The following PIK3CB variants were observed in gnomAD, a reference collection of about 807,000 sequenced individuals.
PIK3CB encodes phosphatidylinositol-4,5-bisphosphate 3-kinase catalytic subunit beta.
PIK3CB carries 39 observed loss-of-function variants against 136.8 expected under a neutral mutation model. The observed-to-expected ratio is 0.29, with a 90% CI of 0.22 to 0.37. The LOEUF is 0.37. Ranked by LOEUF, PIK3CB falls within the 10% of genes least tolerant of loss-of-function variation. PIK3CB has a pLI of 1.00. For synonymous variants in PIK3CB, 428 were observed against 436.6 expected (o/e 0.98, Z 0.25); for missense variants, 868 against 1,275.4 (o/e 0.68, Z 4.87).
intron 1 of PIK3CB, among the ~76,000 whole-genome samples, chr3:138,812,432 TCAC>T (rs1933115440): frequency 1.3e-5 from 2 of 151,798 alleles, no homozygotes; most frequent in African/African-American, 4.8e-5. Flanking sequence ...AGATGGGGTT[TCAC>T]CACATTGGTC....
chr3:138,668,536 T>C (rs530740503), intron 19 of PIK3CB, among the ~76,000 whole-genome samples: 1 of 152,330 alleles, frequency 6.6e-6, no homozygotes, highest in African/African-American at 2.4e-5. Flanking sequence ...TTTACCCTCC[T>C]TTCTCAGACT....
chr3:138,657,345 C>A (rs2043209758), intron 22 of PIK3CB: 1 of 173,708 alleles, frequency 5.8e-6, no homozygotes, highest in Non-Finnish European at 1.2e-5. Flanking sequence ...GCCCTGAATT[C>A]TAGTTCCCTT....
At chr3:138,679,306 A>G (rs1031872940) in intron 19 of PIK3CB, among the ~76,000 whole-genome samples, 10 of 152,244 alleles carry the variant, frequency 6.6e-5, no homozygotes, top group Admixed American at 6.5e-4. Context: ...ATGCCTTTGG[A>G]AATTAAATTT....
chr3:138,708,294 T>TCTGTCAC (rs2044422656), intron 10 of PIK3CB, among the ~76,000 whole-genome samples: 1 of 146,532 alleles, frequency 6.8e-6, no homozygotes, highest in East Asian at 2.1e-4. Context: ...AGACAGGGTT[T>TCTGTCAC]CTGTCACCCA....
intron 12 of PIK3CB, among the ~76,000 whole-genome samples, chr3:138,700,165 T>A (rs2044220162): frequency 6.6e-6 from 1 of 152,178 alleles, no homozygotes; most frequent in Non-Finnish European, 1.5e-5. Context: ...GAGGCTGCAG[T>A]GAGCCATGAT....
chr3:138,759,436 TC>T, intron 2 of PIK3CB, 77 bp from the exon 3 acceptor site: 1 of 908,698 alleles, frequency 1.1e-6, no homozygotes, highest in South Asian at 2.0e-5. Context: ...AGACCACTAA[TC>T]TACAATTAGT....
intron 8 of PIK3CB, among the ~76,000 whole-genome samples, chr3:138,728,401 A>G (rs905408283): frequency 6.6e-6 from 1 of 152,202 alleles, no homozygotes; most frequent in Admixed American, 6.5e-5. Context: ...TTAATAAGTC[A>G]AATTTAATAA....
intron 9 of PIK3CB, among the ~76,000 whole-genome samples, chr3:138,714,262 C>CA (rs1007567604): frequency 4.0e-5 from 6 of 151,018 alleles, no homozygotes; most frequent in Admixed American, 1.3e-4. Context: ...AGCAAGATTA[C>CA]AAAAAAAATG....
At chr3:138,797,599 T>TTCTGA in intron 1 of PIK3CB, among the ~76,000 whole-genome samples, 1 of 152,212 alleles carries the variant, frequency 6.6e-6, no homozygotes, top group Non-Finnish European at 1.5e-5. Flanking sequence ...AATTTCGAAG[T>TTCTGA]ACATAAAGCT....
chr3:138,789,649 A>C (rs532893517), intron 2 of PIK3CB, among the ~76,000 whole-genome samples: 1 of 151,988 alleles, frequency 6.6e-6, no homozygotes, highest in South Asian at 2.1e-4. Flanking sequence ...ATACATAGAC[A>C]AAAAAAATGT....
intron 19 of PIK3CB, among the ~76,000 whole-genome samples, chr3:138,680,079 AC>A (rs1229817980): frequency 2.0e-5 from 3 of 151,794 alleles, no homozygotes; most frequent in Admixed American, 6.6e-5. Context: ...AGAAGAAAAG[AC>A]AGGGGGCGGC....
intron 4 of PIK3CB, among the ~76,000 whole-genome samples, chr3:138,754,993 T>C (rs1158881598): frequency 2.0e-5 from 3 of 152,216 alleles, no homozygotes; most frequent in African/African-American, 4.8e-5. Context: ...TAATGTTATA[T>C]AGCAAGAGAG....
intron 3 of PIK3CB, among the ~76,000 whole-genome samples, chr3:138,757,478 AACACACACACACACACAC>A (rs146470519): frequency 3.7e-5 from 5 of 136,434 alleles, no homozygotes; most frequent in East Asian, 4.3e-4. Flanking sequence ...GATACTATTA[AACACACACACACACACAC>A]ACACACACAC....
chr3:138,655,970 C>T (rs1287015801), intron 23 of PIK3CB, among the ~76,000 whole-genome samples, 172 bp downstream of exon 23: 1 of 152,158 alleles, frequency 6.6e-6, no homozygotes, highest in African/African-American at 2.4e-5. Context: ...TTACAAGCTA[C>T]TCTACAAAAT....
rs970070273 is a variant in PIK3CB, at chr3:138,655,316, T to C, written c.*73A>G. The C allele has an allele frequency of 4.2e-6, 6 of 1,423,558 alleles. No individual in the cohort carries two copies. In the Middle Eastern group the frequency reaches 5.3e-4, roughly 126 times the overall value. 88.2% of individuals were successfully genotyped at this position (1,423,558 alleles called of 1,614,324 possible). On this transcript the variant is annotated 3_prime_UTR_variant, in exon 24 of 24. Transcript: ENST00000674063. Reference sequence around the variant, plus strand: ...CTTTATAACATCTCTAACAGGGTCATGTTCAATTTAGTGCAAGTGCAAAAT... The same window carrying C: ...CTTTATAACATCTCTAACAGGGTCACGTTCAATTTAGTGCAAGTGCAAAAT...
At position 138,685,396 on chromosome 3, in the gene PIK3CB, C is replaced by CAAAAAA. The variant is rs398052626; in HGVS notation, c.2137-599_2137-594dup. On this transcript the variant is annotated intron_variant, in intron 16 of 23. Transcript: ENST00000674063. ...TGGGTAAGAGAGTGAGAAACTGTCTCAAAAAAAAAAAAAAAAAAAAAAAAA... is the reference window on the plus strand; with the variant it reads ...TGGGTAAGAGAGTGAGAAACTGTCTCAAAAAAAAAAAAAAAAAAAAAAAAAAAAAAA... Among the ~76,000 whole-genome samples the CAAAAAA allele has an allele frequency of 2.7e-3, 155 of 58,306 alleles. 3 individuals are homozygous for CAAAAAA. Among genetic ancestry groups the CAAAAAA allele is most frequent in the African/African-American group, 0.01 (105 of 10,124 alleles). 38.3% of individuals were successfully genotyped at this position (58,306 alleles called of 152,430 possible).
At chr3:138,660,196 T>C (rs1577038673) in intron 21 of PIK3CB, among the ~76,000 whole-genome samples, 1 of 152,306 alleles carries the variant, frequency 6.6e-6, no homozygotes. Flanking sequence ...AATGGGGCTA[T>C]TGCCGCCACT....
At chr3:138,707,379 A>G (rs749869992) in intron 10 of PIK3CB, 90 bp from the exon 11 acceptor site, 43 of 1,455,994 alleles carry the variant, frequency 3.0e-5, no homozygotes, top group Non-Finnish European at 3.8e-5. Flanking sequence ...CATGAAAATC[A>G]CCTTAGAAGT....
intron 14 of PIK3CB, among the ~76,000 whole-genome samples, chr3:138,692,743 A>G (rs545637074): frequency 6.6e-6 from 1 of 152,316 alleles, no homozygotes; most frequent in East Asian, 1.9e-4. Context: ...TAGTATCCAC[A>G]CTATTTTGTG....
Sources: gnomAD v4.1 joint callset for allele counts (sites outside exome capture counted in the v4.1 genomes callset) on GRCh38, gnomAD v4.1.1 for gene constraint, MANE v1.5 for transcripts, NCBI Gene and HGNC (gene_info 2026-07-23, HGNC 2026-07-21) for gene names.